The following SLCO1C1 variants were observed in gnomAD, a reference collection of about 807,000 sequenced individuals.
SLCO1C1 encodes solute carrier organic anion transporter family member 1C1, also known as OAT-RP-5.
SLCO1C1 carries 70 observed loss-of-function variants against 76.4 expected under a neutral mutation model. The observed-to-expected ratio is 0.92, with a 90% CI of 0.76 to 1.12. SLCO1C1 has a LOEUF of 1.12. Among genes scored for constraint, SLCO1C1 ranks in the 50% most tolerant of loss-of-function variants. SLCO1C1 has a pLI of 0.00. For missense variants in SLCO1C1, 912 were observed against 823.8 expected, an observed-to-expected ratio of 1.11 and a Z score of -1.31; for synonymous variants, 306 against 286.1, an observed-to-expected ratio of 1.07 and a Z score of -0.70.
chr12:20,716,987 T>G (rs2120715426), intron 6 of SLCO1C1, 145 bp from the exon 7 acceptor site: 1 of 652,878 alleles, frequency 1.5e-6, no homozygotes, highest in South Asian at 2.1e-5. Flanking sequence ...TTTGATGTGG[T>G]TTTAAAGTTA....
rs758494824 is a variant in SLCO1C1, at chr12:20,717,194, G to A, written c.739G>A (p.Ala247Thr). The change falls in exon 7 of 15, where the codon GCC becomes ACC. Residue 247 changes from alanine (A) to threonine (T), a missense_variant. Coordinates refer to ENST00000266509, the MANE Select transcript of SLCO1C1 (RefSeq NM_017435.5). ...TGGTTTCCTGTTAGGCTCATTATGTGCCAAACTATATGTTGACATTGGCTT... is the reference window on the plus strand; with the variant it reads ...TGGTTTCCTGTTAGGCTCATTATGTACCAAACTATATGTTGACATTGGCTT... ...IFGFLLGSLC[A>T]KLYVDIGFVN... 6.3e-7 allele frequency: 1 copy of A among 1,598,216 alleles called. No homozygotes were observed. Among genetic ancestry groups the A allele is most frequent in the Non-Finnish European group, 8.5e-7 (1 of 1,174,932 alleles).
chr12:20,721,665 TAAA>T, intron 7 of SLCO1C1, 136 bp from the exon 8 acceptor site: 2 of 985,518 alleles, frequency 2.0e-6, no homozygotes, highest in Non-Finnish European at 2.8e-6. Flanking sequence ...AAGATCCAGA[TAAA>T]AAAAAAAATA....
intron 12 of SLCO1C1, among the ~76,000 whole-genome samples, chr12:20,741,935 T>C (rs1336093141): frequency 6.6e-6 from 1 of 152,178 alleles, no homozygotes; most frequent in East Asian, 1.9e-4. Context: ...TAAATACTAA[T>C]TTTTTTCTAA....
At chr12:20,725,500 GTTA>G (rs1304649663) in intron 9 of SLCO1C1, among the ~76,000 whole-genome samples, 1 of 147,024 alleles carries the variant, frequency 6.8e-6, no homozygotes, top group Non-Finnish European at 1.5e-5. Context: ...ATTTATAATA[GTTA>G]AAAGCAGAAA....
At chr12:20,712,420 C>T (rs1395278669) in intron 5 of SLCO1C1, among the ~76,000 whole-genome samples, 1 of 152,094 alleles carries the variant, frequency 6.6e-6, no homozygotes, top group East Asian at 1.9e-4. Flanking sequence ...CACAGATTTT[C>T]CTTACTCAGA....
intron 3 of SLCO1C1, among the ~76,000 whole-genome samples, chr12:20,701,939 G>A (rs1433384125): frequency 6.6e-6 from 1 of 151,680 alleles, no homozygotes; most frequent in Non-Finnish European, 1.5e-5. Context: ...AAGAATAAAG[G>A]GATTCTATTA....
intron 3 of SLCO1C1, among the ~76,000 whole-genome samples, chr12:20,702,220 C>A (rs747160716): frequency 3.9e-5 from 6 of 151,976 alleles, no homozygotes; most frequent in Non-Finnish European, 8.8e-5. Context: ...AAACCTCTAA[C>A]TGCTCCAATT....
rs577182806 is a variant in SLCO1C1 at position 20,712,356 on chromosome 12, G to A, written c.529+846G>A. The stretch of plus-strand genomic sequence containing the variant: ...TATGAGTCAAAGGCAGGAATGCTGA[G>A]CTAGACTGAAGTAGAGTCTTGCCTC... On this transcript the variant is annotated intron_variant, in intron 5 of 14. Coordinates refer to ENST00000266509, the MANE Select transcript of SLCO1C1 (RefSeq NM_017435.5). Among the ~76,000 whole-genome samples, 167 of 152,270 alleles carry A rather than the reference G, an allele frequency of 1.1e-3. 1 individual carries two copies. Among genetic ancestry groups the A allele is most frequent in the African/African-American group, 3.9e-3 (163 of 41,548 alleles).
chr12:20,717,080 C>T, intron 6 of SLCO1C1, 52 bp from the exon 7 acceptor site: 2 of 1,468,606 alleles, frequency 1.4e-6, no homozygotes, highest in East Asian at 2.3e-5. Flanking sequence ...ATTAATTTAT[C>T]AAAGTAAAGA....
intron 6 of SLCO1C1, 86 bp from the exon 7 acceptor site, chr12:20,717,046 C>A (rs1457411533): frequency 2.5e-6 from 3 of 1,192,398 alleles, no homozygotes; most frequent in Non-Finnish European, 3.6e-6. Context: ...CTGACTGGAT[C>A]ACACATTTCT....
chr12:20,750,928 G>T, intron 14 of SLCO1C1, 136 bp downstream of exon 14: 1 of 1,507,974 alleles, frequency 6.6e-7, no homozygotes, highest in Non-Finnish European at 9.1e-7. Flanking sequence ...AGTGTGATCT[G>T]TAGTCATAGA....
In SLCO1C1 at chr12:20,724,411, GTATATA is replaced by G. The variant is rs1168220832; in HGVS notation, c.1186+1193_1186+1198del. 8.9e-3 allele frequency among the ~76,000 whole-genome samples: 781 copies of G among 87,870 alleles called. 10 individuals carry two copies. The highest frequency in any genetic ancestry group is 0.028 in the African/African-American group (566 of 20,540). 57.6% of individuals were successfully genotyped at this position (87,870 alleles called of 152,430 possible). A position where few individuals can be genotyped will look rare whatever the true frequency, so the allele number is the denominator to read the frequency against. On this transcript the variant is annotated intron_variant, in intron 9 of 14. Transcript: ENST00000266509. ...ATATATAATGTGTGTGTGTGTGTGT[GTATATA>G]TATATATATATATATATATATATAT...
chr12:20,721,057 A>G (rs1947645544), intron 7 of SLCO1C1, among the ~76,000 whole-genome samples: 1 of 152,108 alleles, frequency 6.6e-6, no homozygotes, highest in South Asian at 2.1e-4. Flanking sequence ...GTGGATGAAC[A>G]AAGTGAATGG....
chr12:20,707,617 A>C (rs1259810085), intron 4 of SLCO1C1, among the ~76,000 whole-genome samples: 4 of 152,190 alleles, frequency 2.6e-5, no homozygotes, highest in Non-Finnish European at 5.9e-5. Context: ...ATATTAAGTG[A>C]GATAACACAG....
chr12:20,741,286 G>T (rs1173657844), intron 12 of SLCO1C1, among the ~76,000 whole-genome samples: 1 of 151,996 alleles, frequency 6.6e-6, no homozygotes, highest in Non-Finnish European at 1.5e-5. Context: ...CCATATCAAG[G>T]ACTTCAACCA....
chr12:20,703,427 C>G (rs1380383928), intron 3 of SLCO1C1, among the ~76,000 whole-genome samples: 1 of 151,350 alleles, frequency 6.6e-6, no homozygotes, highest in African/African-American at 2.4e-5. Flanking sequence ...GTTGATATTA[C>G]CTTATTACAT....
Position 20,733,109 on chromosome 12 carries a change from G to C in SLCO1C1, c.1382+5G>C. 1 of 1,548,954 alleles carries C rather than the reference G, an allele frequency of 6.5e-7. No individual in the cohort carries two copies. The highest frequency in any genetic ancestry group is 8.7e-7 in the Non-Finnish European group (1 of 1,153,504). ...ACTAACTGTCTCCTACCAAGGGTAT[G>C]TTCCCTCATTAAATAGTTTGAGGAT... On this transcript the variant is annotated splice_donor_5th_base_variant and intron_variant, in intron 10 of 14. Transcript: ENST00000266509.
At chr12:20,702,219 A>C (rs1946559777) in intron 3 of SLCO1C1, among the ~76,000 whole-genome samples, 1 of 151,956 alleles carries the variant, frequency 6.6e-6, no homozygotes, top group South Asian at 2.1e-4. Flanking sequence ...AAAACCTCTA[A>C]CTGCTCCAAT....
At chr12:20,743,448 T>C (rs1592328566) in intron 13 of SLCO1C1, 79 bp downstream of exon 13, 7 of 1,153,478 alleles carry the variant, frequency 6.1e-6, no homozygotes, top group Non-Finnish European at 8.9e-6. Context: ...TTTTACAGAA[T>C]TGCCATGCAT....
Sources: gnomAD v4.1 joint callset for allele counts (sites outside exome capture counted in the v4.1 genomes callset) on GRCh38, gnomAD v4.1.1 for gene constraint, MANE v1.5 for transcripts, NCBI Gene and HGNC (gene_info 2026-07-23, HGNC 2026-07-21) for gene names.